Variants in BBS4 observed in about 807,000 individuals in gnomAD.
BBS4 encodes the protein Bardet-Biedl syndrome 4.
A neutral mutation model predicts 71.4 loss-of-function variants in BBS4; 58 were observed. The ratio of observed to expected loss-of-function variants is 0.81; its 90% CI spans 0.66 to 1.01. The LOEUF is 1.01. Among genes scored for constraint, BBS4 ranks in the 50% least tolerant of loss-of-function variants. The pLI is 0.00. For missense variants in BBS4, 660 were observed against 607.9 expected (o/e 1.09, Z -0.90); for synonymous variants, 228 against 216.8 (o/e 1.05, Z -0.46).
intron 3 of BBS4, among the ~76,000 whole-genome samples, chr15:72,710,776 A>G (rs1217776100): frequency 1.3e-5 from 2 of 151,858 alleles, no homozygotes; most frequent in Non-Finnish European, 2.9e-5. Flanking sequence ...TGGTATGACA[A>G]AGATTCATAC....
intron 2 of BBS4, among the ~76,000 whole-genome samples, chr15:72,702,563 C>A (rs1223208588): frequency 1.3e-5 from 2 of 151,880 alleles, no homozygotes; most frequent in Non-Finnish European, 2.9e-5. Context: ...TTTTTTCTTC[C>A]TCATTTCAAG....
At chr15:72,729,825 C>T (rs2151044312) in intron 10 of BBS4, 141 bp downstream of exon 10, 1 of 709,034 alleles carries the variant, frequency 1.4e-6, no homozygotes, top group Admixed American at 2.5e-5. Context: ...AAAGGTGGCT[C>T]TTCTTATTTG....
chr15:72,706,773 C>T (rs1286201883), intron 2 of BBS4, among the ~76,000 whole-genome samples: 1 of 152,118 alleles, frequency 6.6e-6, no homozygotes, highest in Non-Finnish European at 1.5e-5. Context: ...ATAATTTCTT[C>T]TTACAAATTC....
intron 2 of BBS4, among the ~76,000 whole-genome samples, chr15:72,707,068 G>GT (rs1282008656): frequency 6.6e-6 from 1 of 151,202 alleles, no homozygotes; most frequent in Non-Finnish European, 1.5e-5. Flanking sequence ...GGACATAGAA[G>GT]TTTTTTGGTT....
rs749122019 is a variant in BBS4 at position 72,709,652 on chromosome 15, G to A, written c.77-48G>A. On this transcript the variant is annotated intron_variant, in intron 2 of 15. Transcript: ENST00000268057. Reference sequence around the variant, plus strand: ...TAGACATGAGGACAGTGCTAAAGGAGAAAATCTAATGACTGTGTTGTTTGT... The same window carrying A: ...TAGACATGAGGACAGTGCTAAAGGAAAAAATCTAATGACTGTGTTGTTTGT... 9.2e-6 allele frequency: 13 copies of A among 1,407,044 alleles called. No individual in the cohort carries two copies. The East Asian group carries it at 3.0e-4, about 32-fold the overall frequency. The allele number at this position is 1,407,044 out of a possible 1,614,324, so 87.2% of individuals were successfully genotyped here. A position where few individuals can be genotyped will look rare whatever the true frequency, so the allele number is the denominator to read the frequency against.
chr15:72,736,394 A>G (rs1043731895), intron 14 of BBS4, among the ~76,000 whole-genome samples: 3 of 152,036 alleles, frequency 2.0e-5, no homozygotes, highest in Admixed American at 2.0e-4. Context: ...GGCGCGTGCC[A>G]CCACGCCCAG....
chr15:72,724,755 C>T, intron 8 of BBS4, 100 bp downstream of exon 8: 2 of 1,468,494 alleles, frequency 1.4e-6, no homozygotes, highest in South Asian at 2.4e-5. Flanking sequence ...TGATTAATTA[C>T]TTACTGTATG....
At chr15:72,691,514 A>G (rs914035173) in intron 1 of BBS4, among the ~76,000 whole-genome samples, 6 of 152,122 alleles carry the variant, frequency 3.9e-5, no homozygotes, top group African/African-American at 1.4e-4. Context: ...ATATGTTTAT[A>G]TATATCCTTA....
chr15:72,694,367 A>C (rs1337258363), intron 1 of BBS4, among the ~76,000 whole-genome samples: 1 of 145,280 alleles, frequency 6.9e-6, no homozygotes, highest in African/African-American at 2.6e-5. Context: ...ATTTTTGTAT[A>C]TTTAGTAGAG....
At chr15:72,698,416 T>TA (rs891794101) in intron 2 of BBS4, among the ~76,000 whole-genome samples, 2 of 152,166 alleles carry the variant, frequency 1.3e-5, no homozygotes, top group Admixed American at 1.3e-4. Flanking sequence ...CAGATCCTGG[T>TA]AATCTCCATT....
chr15:72,697,187 C>T (rs540751616), intron 2 of BBS4, among the ~76,000 whole-genome samples: 1 of 152,300 alleles, frequency 6.6e-6, no homozygotes, highest in South Asian at 2.1e-4. Context: ...CCTGCTTTGG[C>T]CCCCCAAAGT....
intron 6 of BBS4, among the ~76,000 whole-genome samples, chr15:72,721,258 G>C (rs533468511): frequency 6.6e-6 from 1 of 152,210 alleles, no homozygotes; most frequent in Non-Finnish European, 1.5e-5. Flanking sequence ...TTTTTTTCGA[G>C]TGTGACGATG....
chr15:72,712,262 C>T lies in BBS4; in HGVS notation c.175C>T (p.Leu59Phe), dbSNP rs1399403313. Residue 59 changes from leucine to phenylalanine, a missense_variant, in exon 4 of 16, where the codon CTT becomes TTT. Transcript: ENST00000268057. ...EACKAVIKEQ[L>F]QETQGLCEYA... ...CTTTCAGGCTGTTATCAAAGAACAG[C>T]TTCAAGAGACTCAGGGATTGTGTGA... The T allele has an allele frequency of 6.2e-7, 1 of 1,614,080 alleles. No individual in the cohort carries two copies. Among genetic ancestry groups the T allele is most frequent in the Non-Finnish European group, 8.5e-7 (1 of 1,179,950 alleles).
intron 2 of BBS4, among the ~76,000 whole-genome samples, chr15:72,708,454 C>T (rs537308134): frequency 6.6e-6 from 1 of 152,210 alleles, no homozygotes; most frequent in South Asian, 2.1e-4. Flanking sequence ...CTGTTATCTT[C>T]GTAAGCTGAG....
At chr15:72,720,528 T>G (rs57287802) in intron 6 of BBS4, among the ~76,000 whole-genome samples, 7,813 of 151,878 alleles carry the variant, frequency 0.051, 642 homozygotes, top group African/African-American at 0.17. Flanking sequence ...AGCCCTACTT[T>G]CTTGGACTCA....
chr15:72,725,053 T>TAGAGAGAG (rs758482322), intron 8 of BBS4, among the ~76,000 whole-genome samples: 16 of 102,874 alleles, frequency 1.6e-4, no homozygotes, highest in South Asian at 7.6e-4. Context: ...TATATATATA[T>TAGAGAGAG]ATATAGAGAG....
intron 1 of BBS4, chr15:72,686,779 G>A: frequency 2.8e-6 from 1 of 359,916 alleles, no homozygotes. Flanking sequence ...GGAACCCGAT[G>A]AATTCAGGAT....
At chr15:72,689,986 A>G (rs1334030458) in intron 1 of BBS4, among the ~76,000 whole-genome samples, 1 of 151,660 alleles carries the variant, frequency 6.6e-6, no homozygotes, top group African/African-American at 2.4e-5. Context: ...AATTTTTTGT[A>G]TTTTTAGTAG....
chr15:72,697,067 G>A (rs1427955055), intron 2 of BBS4, among the ~76,000 whole-genome samples: 2 of 152,034 alleles, frequency 1.3e-5, no homozygotes, highest in East Asian at 1.9e-4. Context: ...CAAGTAGCTG[G>A]GATTATCGGC....
Sources: gnomAD v4.1 joint callset for allele counts (sites outside exome capture counted in the v4.1 genomes callset) on GRCh38, gnomAD v4.1.1 for gene constraint, MANE v1.5 for transcripts, NCBI Gene and HGNC (gene_info 2026-07-23, HGNC 2026-07-21) for gene names.